The following CFAP126 variants were observed in gnomAD, a reference collection of about 807,000 sequenced individuals.
The protein encoded by CFAP126 is cilia and flagella associated protein 126.
A neutral mutation model predicts 17.1 loss-of-function variants in CFAP126; 21 were observed. The observed-to-expected ratio is 1.23, with a 90% confidence interval of 0.87 to 1.77. CFAP126 has a LOEUF of 1.77. Ranked by LOEUF, CFAP126 falls within the 40% of genes most tolerant of loss-of-function variation. The probability of loss-of-function intolerance (pLI) is 0.00; values close to 1 mark genes in which losing one functional copy is unlikely to be tolerated. For synonymous variants in CFAP126, 65 were observed against 73.5 expected (o/e 0.88, Z 0.59); for missense variants, 174 against 215.4 (o/e 0.81, Z 1.20).
intron 1 of CFAP126, 162 bp downstream of exon 1, chr1:161,367,680 G>A (rs926584058): frequency 1.7e-6 from 1 of 584,426 alleles, no homozygotes; most frequent in South Asian, 3.3e-5. Context: ...AGATACCTTT[G>A]GATCGCCCCT....
At position 161,365,620 on chromosome 1, in the gene CFAP126, G is replaced by T; in HGVS notation, c.254C>A (p.Thr85Lys). The T allele has an allele frequency of 6.2e-7, 1 of 1,614,168 alleles. No homozygotes were observed. The highest frequency in any genetic ancestry group is 8.5e-7 in the Non-Finnish European group (1 of 1,180,018). Residue 85 changes from threonine (T) to lysine (K), a missense_variant, in exon 4 of 5, where the codon ACA becomes AAA. Physicochemically the swap from Thr to Lys is moderately conservative, Grantham distance 78. Transcript: ENST00000367974. Reference protein sequence around the residue: ...PPARVTLTSRTTAGAASLTKW... With the variant: ...PPARVTLTSRKTAGAASLTKW... ...GGTGAGGGAGGCAGCACCAGCAGTTGTACGGGAGGTCAGGGTCACCCGAGC... is the reference window on the plus strand; with the variant it reads ...GGTGAGGGAGGCAGCACCAGCAGTTTTACGGGAGGTCAGGGTCACCCGAGC...
At position 161,365,685 on chromosome 1, in the gene CFAP126, G is replaced by A; in HGVS notation, c.189C>T (p.Ser63=). 5.0e-6 allele frequency: 8 copies of A among 1,589,004 alleles called. No homozygotes were observed. Among genetic ancestry groups the A allele is most frequent in the Non-Finnish European group, 6.8e-6 (8 of 1,169,262 alleles). The change falls in exon 4 of 5, where the codon TCC becomes TCT. Residue 63 remains serine, a synonymous_variant. Coordinates refer to ENST00000367974, the MANE Select transcript of CFAP126 (RefSeq NM_001013625.4). ...VPRSKANPWG[S]FMGTWQMPLK... ...GAGGCATTTGCCAGGTGCCCATGAAGGAACCCCAAGGATTTGCCTAAAAAT... is the reference window on the plus strand; with the variant it reads ...GAGGCATTTGCCAGGTGCCCATGAAAGAACCCCAAGGATTTGCCTAAAAAT...
At position 161,365,604 on chromosome 1, in the gene CFAP126, G is replaced by A. The variant is rs1315672091; in HGVS notation, c.270C>T (p.Ala90=). 1 of 1,614,154 alleles carries A rather than the reference G, an allele frequency of 6.2e-7. No homozygotes were observed. Among genetic ancestry groups the A allele is most frequent in the Admixed American group, 1.7e-5 (1 of 60,020 alleles). Residue 90 remains alanine (A), a synonymous_variant, in exon 4 of 5, where the codon GCC becomes GCT. Transcript: ENST00000367974. The part of the protein sequence containing the change: ...TLTSRTTAGA[A]SLTKWIQKNP... ...TTTTCTGTATCCATTTGGTGAGGGA[G>A]GCAGCACCAGCAGTTGTACGGGAGG...
intron 1 of CFAP126, chr1:161,366,826 G>C (rs558560726): frequency 2.0e-4 from 64 of 322,050 alleles, no homozygotes; most frequent in African/African-American, 1.2e-3. Context: ...CTGGGTTGGA[G>C]TCAGTGGCAT....
intron 1 of CFAP126, chr1:161,367,541 T>C: frequency 2.9e-6 from 1 of 350,286 alleles, no homozygotes; most frequent in Non-Finnish European, 5.1e-6. Flanking sequence ...TTTTCTTTAA[T>C]TATGCAAGTA....
In CFAP126 at chr1:161,364,854, T is replaced by C; in HGVS notation, c.*111A>G. 8 of 1,046,598 alleles carry C rather than the reference T, an allele frequency of 7.6e-6. No homozygotes were observed. The highest frequency in any genetic ancestry group is 3.3e-4 in the Middle Eastern group (1 of 3,074). 64.8% of individuals were successfully genotyped at this position (1,046,598 alleles called of 1,614,324 possible). A position where few individuals can be genotyped will look rare whatever the true frequency, so the allele number is the denominator to read the frequency against. On this transcript the variant is annotated 3_prime_UTR_variant, in exon 5 of 5. Coordinates refer to ENST00000367974, the MANE Select transcript of CFAP126 (RefSeq NM_001013625.4). ...TTTCACTGAGTCGCTATACGGGTTT[T>C]TCAGTGTGTGGCCACTTGGTCCATA...
chr1:161,365,369 T>C (rs1672692395), intron 4 of CFAP126, 157 bp downstream of exon 4: 1 of 985,386 alleles, frequency 1.0e-6, no homozygotes, highest in Non-Finnish European at 1.5e-6. Flanking sequence ...AGCCCATCCC[T>C]TCAGGCCTCA....
chr1:161,365,543 G>C lies in CFAP126; in HGVS notation c.331C>G (p.Pro111Ala), dbSNP rs373777218. 4 of 1,614,166 alleles carry C rather than the reference G, an allele frequency of 2.5e-6. No individual in the cohort carries two copies. The highest frequency in any genetic ancestry group is 3.4e-6 in the Non-Finnish European group (4 of 1,180,026). ...ATAGATACCTTGCCTAAGATTTCAG[G>C]ACACAGCCCATTGGAGGCCTTGAGT... ...DLLKASNGLC[P>A]EILGKPHDPD... The change falls in exon 4 of 5, where the codon CCT (proline) becomes GCT (alanine). Residue 111 changes from proline to alanine, a missense_variant. By Grantham distance (27) the Pro-to-Ala change is conservative (BLOSUM62 -1). Transcript: ENST00000367974.
At chr1:161,367,372 G>A (rs988205183) in intron 1 of CFAP126, 1 of 154,158 alleles carries the variant, frequency 6.5e-6, no homozygotes, top group African/African-American at 2.4e-5. Context: ...TTTTATAGAT[G>A]AACATTTACA....
chr1:161,365,276 GA>G lies in CFAP126; in HGVS notation c.349-127del, dbSNP rs199727054. 5,256 of 1,088,552 alleles carry G rather than the reference GA, an allele frequency of 4.8e-3. 121 individuals are homozygous for G. In the African/African-American group the frequency reaches 0.062, roughly 13 times the overall value. 67.4% of individuals were successfully genotyped at this position (1,088,552 alleles called of 1,614,324 possible). On this transcript the variant is annotated intron_variant, in intron 4 of 4. Transcript: ENST00000367974. ...GGGCAGTAGATCAAGTTTCAAATAA[GA>G]AAAGTTAAATTTGATTTCTCTAACC...
intron 1 of CFAP126, 83 bp downstream of exon 1, chr1:161,367,759 A>G: frequency 7.7e-7 from 1 of 1,290,342 alleles, no homozygotes; most frequent in East Asian, 2.3e-5. Flanking sequence ...TTCAAAGATC[A>G]GAATCCTATG....
intron 2 of CFAP126, 72 bp from the exon 3 acceptor site, chr1:161,366,350 A>G: frequency 6.4e-7 from 1 of 1,569,982 alleles, no homozygotes; most frequent in Non-Finnish European, 8.8e-7. Context: ...TTGGTCAGAG[A>G]AGGATATGGG....
intron 1 of CFAP126, 91 bp from the exon 2 acceptor site, chr1:161,366,592 C>A: frequency 8.2e-7 from 1 of 1,215,006 alleles, no homozygotes; most frequent in Non-Finnish European, 1.2e-6. Context: ...ATTTGAAGAC[C>A]AAAGGCCTGA....
chr1:161,366,209 G>T lies in CFAP126; in HGVS notation c.160C>A (p.Pro54Thr). 1 of 1,610,972 alleles carries T rather than the reference G, an allele frequency of 6.2e-7. No homozygotes were observed. The highest frequency in any genetic ancestry group is 1.3e-5 in the African/African-American group (1 of 74,954). Residue 54 changes from proline (P) to threonine (T), a missense_variant, in exon 3 of 5, where the codon CCC becomes ACC. Transcript: ENST00000367974. ...NDRGHLLPSV[P>T]RSKANPWGSF... ...AGATAGTATCTCACCTTGGAACGGG[G>T]CACAGAAGGCAGTAGATGACCACGA...
Position 161,364,960 on chromosome 1 carries a change from G to A in CFAP126, c.*5C>T. On this transcript the variant is annotated 3_prime_UTR_variant, in exon 5 of 5. Transcript: ENST00000367974. ...TCTAGCATACGTGGACTTCCAGGTG[G>A]GCTCTTAGGATTTGGCTGGTCTTTG... is the stretch of plus-strand genomic sequence containing the variant. The A allele has an allele frequency of 6.2e-7, 1 of 1,613,336 alleles. No individual in the cohort carries two copies. The highest frequency in any genetic ancestry group is 8.5e-7 in the Non-Finnish European group (1 of 1,179,450).
chr1:161,365,178 G>A, intron 4 of CFAP126, 28 bp from the exon 5 acceptor site: 3 of 1,600,888 alleles, frequency 1.9e-6, no homozygotes, highest in Non-Finnish European at 2.6e-6. Flanking sequence ...GGGAGAGATA[G>A]TCATGTCTCT....
At chr1:161,367,698 C>T (rs1048385166) in intron 1 of CFAP126, 144 bp downstream of exon 1, 2 of 798,314 alleles carry the variant, frequency 2.5e-6, no homozygotes, top group Middle Eastern at 5.4e-4. Context: ...CCTGGGCTCT[C>T]TCTATCCCTG....
chr1:161,365,778 T>C (rs929381863), intron 3 of CFAP126, 76 bp from the exon 4 acceptor site: 3 of 1,306,996 alleles, frequency 2.3e-6, no homozygotes, highest in African/African-American at 3.0e-5. Context: ...TTATTTCCTT[T>C]CTTTACCTTT....
chr1:161,365,795 G>C, intron 3 of CFAP126, 93 bp from the exon 4 acceptor site: 30 of 1,153,066 alleles, frequency 2.6e-5, no homozygotes, highest in Non-Finnish European at 3.5e-5. Context: ...CTTTAGGAAT[G>C]CATGGTTATG....
Sources: gnomAD v4.1 joint callset for allele counts on GRCh38, gnomAD v4.1.1 for gene constraint, MANE v1.5 for transcripts, NCBI Gene and HGNC (gene_info 2026-07-23, HGNC 2026-07-21) for gene names.